The following POC5 variants were observed in gnomAD, a reference collection of about 807,000 sequenced individuals.
POC5 encodes centrosomal protein POC5.
POC5 carries 48 observed loss-of-function variants against 62.9 expected under a neutral mutation model. The ratio of observed to expected loss-of-function variants is 0.76; its 90% CI spans 0.61 to 0.97. The LOEUF is 0.97. POC5 is among the 50% of genes least tolerant of loss of function. POC5 has a pLI of 0.00. For missense variants in POC5, 696 were observed against 679.5 expected (o/e 1.02, Z -0.27); for synonymous variants, 236 against 228.2 (o/e 1.03, Z -0.31).
Position 75,677,843 on chromosome 5 carries a change from A to C in POC5, c.1515T>G (p.Ser505Arg). Residue 505 changes from serine to arginine, a missense_variant, in exon 11 of 12, where the codon AGT (serine) becomes AGG (arginine). By Grantham distance (110) the Ser-to-Arg change is moderately radical (BLOSUM62 -1). Transcript: ENST00000428202. ...GAGGAGAAACTCCCATTATAGCTAAACTGCTGCTAATTCTATTTTTTGAAG... is the reference window on the plus strand; with the variant it reads ...GAGGAGAAACTCCCATTATAGCTAACCTGCTGCTAATTCTATTTTTTGAAG... ...DFASKNRISSSLAIMGVSPPM... is the reference protein window; with the variant it reads ...DFASKNRISSRLAIMGVSPPM... 6.2e-7 allele frequency: 1 copy of C among 1,612,992 alleles called. No individual in the cohort carries two copies. The highest frequency in any genetic ancestry group is 8.5e-7 in the Non-Finnish European group (1 of 1,179,418).
intron 2 of POC5, among the ~76,000 whole-genome samples, chr5:75,710,324 G>C (rs977685621): frequency 1.3e-5 from 2 of 152,190 alleles, no homozygotes; most frequent in East Asian, 3.8e-4. Flanking sequence ...TAAAAGTGTG[G>C]CTGTTATGGA....
chr5:75,692,648 G>T, intron 6 of POC5, 148 bp from the exon 7 acceptor site: 2 of 418,214 alleles, frequency 4.8e-6, no homozygotes, highest in Non-Finnish European at 8.3e-6. Flanking sequence ...TCTTTAAAAA[G>T]ATGGTAAAAC....
At chr5:75,692,783 T>C (rs921852157) in intron 6 of POC5, among the ~76,000 whole-genome samples, 25 of 152,176 alleles carry the variant, frequency 1.6e-4, no homozygotes, top group African/African-American at 5.8e-4. Flanking sequence ...GCTACTGACA[T>C]TCAATTCAGG....
At chr5:75,690,631 C>T (rs960749990) in intron 7 of POC5, 69 bp from the exon 8 acceptor site, 21 of 1,228,370 alleles carry the variant, frequency 1.7e-5, no homozygotes, top group Non-Finnish European at 2.4e-5. Flanking sequence ...TAATAATAAA[C>T]ATAACATGGT....
intron 4 of POC5, among the ~76,000 whole-genome samples, chr5:75,703,603 G>A (rs1029741062): frequency 7.9e-5 from 12 of 152,014 alleles, no homozygotes; most frequent in Non-Finnish European, 1.2e-4. Flanking sequence ...TCCAGCCTGT[G>A]ACAGAATGAG....
At chr5:75,700,046 C>G (rs1473843040) in intron 5 of POC5, among the ~76,000 whole-genome samples, 2 of 151,550 alleles carry the variant, frequency 1.3e-5, no homozygotes, top group Non-Finnish European at 2.9e-5. Context: ...GAACTACAGA[C>G]CACTGCTCAA....
chr5:75,688,752 AAT>A (rs113769777), intron 9 of POC5, among the ~76,000 whole-genome samples: 86 of 152,332 alleles, frequency 5.6e-4, no homozygotes, highest in Middle Eastern at 6.8e-3. Context: ...TATACATTAA[AAT>A]ATTATTTTCA....
chr5:75,677,988 C>A, intron 10 of POC5, 38 bp from the exon 11 acceptor site: 1 of 1,413,654 alleles, frequency 7.1e-7, no homozygotes, highest in Non-Finnish European at 9.4e-7. Context: ...AACAAGGTGG[C>A]AGAAAATCCA....
chr5:75,706,680 C>T (rs1777135026), intron 3 of POC5, among the ~76,000 whole-genome samples: 1 of 152,090 alleles, frequency 6.6e-6, no homozygotes, highest in African/African-American at 2.4e-5. Context: ...CCTCCCACCC[C>T]AGCCTCCCAA....
chr5:75,688,664 T>C (rs1349872589), intron 9 of POC5, among the ~76,000 whole-genome samples: 1 of 152,170 alleles, frequency 6.6e-6, no homozygotes, highest in Non-Finnish European at 1.5e-5. Context: ...ATTTGGCTAC[T>C]TAAGAAAAGA....
chr5:75,683,756 T>C (rs1580004079), intron 10 of POC5, among the ~76,000 whole-genome samples: 1 of 150,850 alleles, frequency 6.6e-6, no homozygotes, highest in African/African-American at 2.4e-5. Flanking sequence ...CAGGCTGGAG[T>C]GCAGTGGTGC....
In POC5 at chr5:75,690,392, T is replaced by G; in HGVS notation, c.966A>C (p.Lys322Asn). ...CIQISNDYEA[K>N]VAMLSGALEN... ...AGAAAAAGATGCTTACCATAGCAACTTTGGCTTCATAATCATTGGAAATCT... is the reference window on the plus strand; with the variant it reads ...AGAAAAAGATGCTTACCATAGCAACGTTGGCTTCATAATCATTGGAAATCT... The change falls in exon 8 of 12, where the codon AAA becomes AAC. Residue 322 changes from lysine (K) to asparagine (N), a missense_variant. Physicochemically the swap from Lys to Asn is moderately conservative, Grantham distance 94. Transcript: ENST00000428202. The G allele has an allele frequency of 6.2e-7, 1 of 1,608,634 alleles. No individual in the cohort carries two copies. The highest frequency in any genetic ancestry group is 8.5e-7 in the Non-Finnish European group (1 of 1,177,796).
chr5:75,711,443 C>T (rs1159272974), intron 2 of POC5, among the ~76,000 whole-genome samples: 1 of 152,080 alleles, frequency 6.6e-6, no homozygotes, highest in Non-Finnish European at 1.5e-5. Flanking sequence ...CACCTTCTGG[C>T]TTATGAAGCA....
At chr5:75,689,464 T>C (rs1776228085) in intron 8 of POC5, 3 of 984,480 alleles carry the variant, frequency 3.0e-6, no homozygotes, top group South Asian at 4.7e-5. Context: ...TTTTTTACTG[T>C]AAAACTTTTA....
At chr5:75,697,060 A>C (rs1254120059) in intron 5 of POC5, among the ~76,000 whole-genome samples, 1 of 152,244 alleles carries the variant, frequency 6.6e-6, no homozygotes, top group African/African-American at 2.4e-5. Flanking sequence ...CTACGTGAAA[A>C]GACCAAATCT....
rs572482813 is a variant in POC5 at position 75,687,221 on chromosome 5, G to A, written c.1130-1737C>T. Among the ~76,000 whole-genome samples the A allele has an allele frequency of 7.9e-5, 12 of 151,988 alleles. 1 individual carries two copies. The highest frequency in any genetic ancestry group is 4.1e-4 in the South Asian group (2 of 4,826). On this transcript the variant is annotated intron_variant, in intron 9 of 11. Coordinates refer to ENST00000428202, the MANE Select transcript of POC5 (RefSeq NM_001099271.2). ...AATTTTTTGTATTTTTAGTAGAGAC[G>A]GGATTTCACCATGTTAGCCAGGATC...
Position 75,694,657 on chromosome 5 carries a change from C to G in POC5, c.688G>C (p.Glu230Gln). Residue 230 changes from glutamate (E) to glutamine (Q), a missense_variant and splice_region_variant, in exon 6 of 12, where the codon GAG becomes CAG. Transcript: ENST00000428202. The part of the protein sequence containing the change: ...TFEISIGRKD[E>Q]VISSLSHAIG... The stretch of plus-strand genomic sequence containing the variant: ...AAAAGAAATATAAAAAAGAAGACCT[C>G]ATCTTTTCTCCCAATGGAGATTTCA... 6.6e-7 allele frequency: 1 copy of G among 1,514,852 alleles called. No homozygotes were observed. Among genetic ancestry groups the G allele is most frequent in the African/African-American group, 1.4e-5 (1 of 70,170 alleles). The allele number at this position is 1,514,852 out of a possible 1,614,324, so 93.8% of individuals were successfully genotyped here. A position where few individuals can be genotyped will look rare whatever the true frequency, so the allele number is the denominator to read the frequency against.
chr5:75,693,349 T>C (rs1405066181), intron 6 of POC5, among the ~76,000 whole-genome samples: 1 of 151,910 alleles, frequency 6.6e-6, no homozygotes, highest in Non-Finnish European at 1.5e-5. Context: ...TAGAAAGAGA[T>C]TTTGTAAATT....
At chr5:75,681,886 T>C (rs1221155948) in intron 10 of POC5, among the ~76,000 whole-genome samples, 1 of 152,202 alleles carries the variant, frequency 6.6e-6, no homozygotes, top group East Asian at 1.9e-4. Context: ...GGTTTCACAG[T>C]AAGTTAGCCA....
Sources: gnomAD v4.1 joint callset for allele counts (sites outside exome capture counted in the v4.1 genomes callset) on GRCh38, gnomAD v4.1.1 for gene constraint, MANE v1.5 for transcripts, NCBI Gene and HGNC (gene_info 2026-07-23, HGNC 2026-07-21) for gene names.